DPH5: variants seen among roughly 807,000 people sequenced by gnomAD.
The protein encoded by DPH5 is diphthamide biosynthesis 5.
Under a neutral mutation model 31.6 loss-of-function variants are expected in DPH5, and 31 were observed. The ratio of observed to expected loss-of-function variants is 0.98; its 90% confidence interval spans 0.74 to 1.32. DPH5 has a LOEUF of 1.32. Among genes scored for constraint, DPH5 ranks in the 40% most tolerant of loss-of-function variants. The probability of loss-of-function intolerance (pLI) is 0.00; values close to 1 mark genes in which losing one functional copy is unlikely to be tolerated. For synonymous variants in DPH5, 120 were observed against 115.0 expected (o/e 1.04, Z -0.28); for missense variants, 309 against 335.7 (o/e 0.92, Z 0.62).
At chr1:101,000,963 G>T (rs1029362679) in intron 5 of DPH5, among the ~76,000 whole-genome samples, 1 of 152,172 alleles carries the variant, frequency 6.6e-6, no homozygotes, top group Admixed American at 6.5e-5. Context: ...GCCAACAATT[G>T]ACTAGGTGAC....
At chr1:100,996,732 T>C (rs1658387023) in intron 5 of DPH5, among the ~76,000 whole-genome samples, 1 of 123,292 alleles carries the variant, frequency 8.1e-6, no homozygotes, top group East Asian at 2.3e-4. Flanking sequence ...TGCTTTTTGT[T>C]CTTGGAAAGA....
chr1:101,025,067 C>A (rs1462270011), intron 2 of DPH5: 2 of 476,462 alleles, frequency 4.2e-6, no homozygotes, highest in East Asian at 3.8e-5. Flanking sequence ...AATAGCTTTC[C>A]TATTTACTGG....
At position 100,990,220 on chromosome 1, in the gene DPH5, G is replaced by T; in HGVS notation, c.*188C>A. 1.7e-6 allele frequency: 1 copy of T among 597,448 alleles called. No homozygotes were observed. Among genetic ancestry groups the T allele is most frequent in the Non-Finnish European group, 2.9e-6 (1 of 339,100 alleles). The allele number at this position is 597,448 out of a possible 1,614,324, so 37.0% of individuals were successfully genotyped here. On this transcript the variant is annotated 3_prime_UTR_variant, in exon 8 of 8. Transcript: ENST00000370109. ...ATGCCAGGCACTTATAAAACCATCA[G>T]ATCTCATGAAAGCTCACTATCATGA...
At chr1:101,006,506 A>G (rs1238803148) in intron 4 of DPH5, among the ~76,000 whole-genome samples, 1 of 152,180 alleles carries the variant, frequency 6.6e-6, no homozygotes, top group African/African-American at 2.4e-5. Context: ...AAGAATAGAA[A>G]GAGCTTAGAT....
chr1:101,015,992 T>A (rs1051914803), intron 3 of DPH5, among the ~76,000 whole-genome samples: 1 of 152,156 alleles, frequency 6.6e-6, no homozygotes. Flanking sequence ...GTTCTCCCTA[T>A]CAGCAATAAG....
At chr1:101,021,559 A>C in intron 3 of DPH5, 82 bp downstream of exon 3, 1 of 1,413,506 alleles carries the variant, frequency 7.1e-7, no homozygotes, top group Non-Finnish European at 9.6e-7. Context: ...GGCAGGTAAA[A>C]GTGTTAAATG....
At chr1:101,017,550 T>C (rs1033786605) in intron 3 of DPH5, among the ~76,000 whole-genome samples, 2 of 152,228 alleles carry the variant, frequency 1.3e-5, no homozygotes, top group African/African-American at 4.8e-5. Flanking sequence ...TAGAACTTCA[T>C]TTTAAAGGCC....
At chr1:101,008,708 ACTCT>A (rs900771223) in intron 4 of DPH5, among the ~76,000 whole-genome samples, 9 of 151,804 alleles carry the variant, frequency 5.9e-5, no homozygotes, top group African/African-American at 2.2e-4. Flanking sequence ...TGCTTCCAAG[ACTCT>A]CTCTTTTAAC....
Position 100,995,134 on chromosome 1 carries a change from T to C in DPH5, c.506A>G (p.Glu169Gly). The C allele has an allele frequency of 6.3e-7, 1 of 1,578,956 alleles. No homozygotes were observed. Among genetic ancestry groups the C allele is most frequent in the Non-Finnish European group, 8.7e-7 (1 of 1,149,226 alleles). ...CTTGATTAGATTTTCCAAAGACTGC[T>C]CCTTTACTTTGATGTCTGTAGGAAG... The part of the protein sequence containing the change: ...TLCLLDIKVK[E>G]QSLENLIKGR... The change falls in exon 6 of 8, where the codon GAG becomes GGG. Residue 169 changes from glutamate (E) to glycine (G), a missense_variant. By Grantham distance (98) the Glu-to-Gly change is moderately conservative. Transcript: ENST00000370109.
At chr1:100,996,908 T>G (rs1658403871) in intron 5 of DPH5, among the ~76,000 whole-genome samples, 1 of 152,222 alleles carries the variant, frequency 6.6e-6, no homozygotes, top group Non-Finnish European at 1.5e-5. Flanking sequence ...TACATACTAA[T>G]TTAAATAATG....
intron 5 of DPH5, among the ~76,000 whole-genome samples, chr1:101,000,398 C>T (rs531938865): frequency 1.3e-5 from 2 of 152,214 alleles, no homozygotes; most frequent in South Asian, 2.1e-4. Flanking sequence ...AGAATATGTA[C>T]AAAATTTATA....
chr1:101,015,114 G>T (rs780783934), intron 3 of DPH5, among the ~76,000 whole-genome samples: 2 of 152,258 alleles, frequency 1.3e-5, no homozygotes, highest in Admixed American at 1.3e-4. Context: ...CATGAATCAT[G>T]AATATTTTAA....
chr1:100,999,659 C>T (rs1159793244), intron 5 of DPH5, among the ~76,000 whole-genome samples: 11 of 151,398 alleles, frequency 7.3e-5, no homozygotes, highest in Admixed American at 7.2e-4. Flanking sequence ...GCCAATATGG[C>T]GAAACCCCAT....
intron 5 of DPH5, chr1:100,995,784 T>G (rs191805379): frequency 6.6e-6 from 1 of 152,218 alleles, no homozygotes; most frequent in Non-Finnish European, 1.5e-5. Flanking sequence ...TCACTCATGC[T>G]CAACTGAACT....
At chr1:100,997,655 G>A (rs189439370) in intron 5 of DPH5, among the ~76,000 whole-genome samples, 67 of 152,250 alleles carry the variant, frequency 4.4e-4, no homozygotes, top group South Asian at 4.1e-3. Context: ...GTGAGCCACC[G>A]CACCCGGCCT....
At chr1:100,994,531 A>C (rs1658149538) in intron 6 of DPH5, among the ~76,000 whole-genome samples, 1 of 151,324 alleles carries the variant, frequency 6.6e-6, no homozygotes, top group Non-Finnish European at 1.5e-5. Context: ...TCAGGACTCA[A>C]ACCCATGCCT....
intron 2 of DPH5, 96 bp from the exon 3 acceptor site, chr1:101,021,861 CTTT>C: frequency 1.5e-6 from 2 of 1,291,650 alleles, no homozygotes; most frequent in Non-Finnish European, 2.1e-6. Context: ...CACACACACT[CTTT>C]GTTTGGGACT....
In DPH5 at chr1:100,990,747, C is replaced by T. The variant is rs1346486268; in HGVS notation, c.635-116G>A. On this transcript the variant is annotated intron_variant, in intron 7 of 7. Coordinates refer to ENST00000370109, the MANE Select transcript of DPH5 (RefSeq NM_015958.3). ...AAGAAGCCCCAAATATCTTAAATCT[C>T]TTTTGCCACTTATGGACCAGTTATC... 3.2e-6 allele frequency: 3 copies of T among 939,024 alleles called. No individual in the cohort carries two copies. The Admixed American group carries it at 7.6e-5, about 24-fold the overall frequency. The allele number at this position is 939,024 out of a possible 1,614,324, so 58.2% of individuals were successfully genotyped here. A position where few individuals can be genotyped will look rare whatever the true frequency, so the allele number is the denominator to read the frequency against.
rs533477724 is a variant in DPH5 at position 101,025,576 on chromosome 1, G to A, written c.-24+107C>T. ...GCACAAGAGAAGAGGCAAGTCACAA[G>A]GAGGGGTTTGGGAACCTTATGTCAC... On this transcript the variant is annotated intron_variant, in intron 1 of 7. Coordinates refer to ENST00000370109, the MANE Select transcript of DPH5 (RefSeq NM_015958.3). 11 of 1,094,896 alleles carry A rather than the reference G, an allele frequency of 1.0e-5. No homozygotes were observed. In the South Asian group the frequency reaches 1.6e-4, roughly 15 times the overall value. The allele number at this position is 1,094,896 out of a possible 1,614,324, so 67.8% of individuals were successfully genotyped here. A position where few individuals can be genotyped will look rare whatever the true frequency, so the allele number is the denominator to read the frequency against.
Sources: gnomAD v4.1 joint callset for allele counts (sites outside exome capture counted in the v4.1 genomes callset) on GRCh38, gnomAD v4.1.1 for gene constraint, MANE v1.5 for transcripts, NCBI Gene and HGNC (gene_info 2026-07-23, HGNC 2026-07-21) for gene names.